The following SGMS2 variants were observed in gnomAD, a reference collection of about 807,000 sequenced individuals.
The protein encoded by SGMS2 is sphingomyelin synthase 2, also known as phosphatidylcholine:ceramide cholinephosphotransferase 2.
Under a neutral mutation model 43.8 loss-of-function variants are expected in SGMS2, and 21 were observed. That is an observed-to-expected ratio of 0.48 (90% CI 0.34 to 0.69). SGMS2 has a LOEUF of 0.69. Ranked by LOEUF, SGMS2 falls within the 30% of genes least tolerant of loss-of-function variation. SGMS2 has a pLI of 0.01. For missense variants in SGMS2, 384 were observed against 443.2 expected, an observed-to-expected ratio of 0.87 and a Z score of 1.20; for synonymous variants, 167 against 160.6, an observed-to-expected ratio of 1.04 and a Z score of -0.30.
chr4:107,910,707 C>A lies in SGMS2; in HGVS notation c.*154C>A. 1 of 663,378 alleles carries A rather than the reference C, an allele frequency of 1.5e-6. No homozygotes were observed. The highest frequency in any genetic ancestry group is 2.5e-6 in the Non-Finnish European group (1 of 396,706). The allele number at this position is 663,378 out of a possible 1,614,324, so 41.1% of individuals were successfully genotyped here. ...TTAGAAAGATGAACAAAGTATTGCCCTTTGACTGGTTTTCTTCTTCATCCT... is the reference window on the plus strand; with the variant it reads ...TTAGAAAGATGAACAAAGTATTGCCATTTGACTGGTTTTCTTCTTCATCCT... On this transcript the variant is annotated 3_prime_UTR_variant, in exon 7 of 7. Transcript: ENST00000690982.
chr4:107,832,782 C>G (rs1195170472), intron 1 of SGMS2, among the ~76,000 whole-genome samples: 1 of 152,176 alleles, frequency 6.6e-6, no homozygotes, highest in African/African-American at 2.4e-5. Context: ...AGTCCCAGCA[C>G]TTTGGGAGGC....
At chr4:107,877,559 TG>T (rs1274212865) in intron 2 of SGMS2, among the ~76,000 whole-genome samples, 1 of 152,212 alleles carries the variant, frequency 6.6e-6, no homozygotes, top group Non-Finnish European at 1.5e-5. Flanking sequence ...TGGCTGCTTT[TG>T]TTTGACCATT....
intron 2 of SGMS2, among the ~76,000 whole-genome samples, chr4:107,870,174 C>G (rs933344490): frequency 4.6e-5 from 7 of 152,102 alleles, no homozygotes; most frequent in Non-Finnish European, 7.4e-5. Flanking sequence ...TTGTATGTAG[C>G]TTTTTAGTGG....
Position 107,895,632 on chromosome 4 carries a change from C to A in SGMS2, c.79C>A (p.Pro27Thr), listed in dbSNP as rs762047509. Reference sequence around the variant, plus strand: ...TGATCCTACGAACACTTATGCAAGACCCGCTGAACCTGTTGAAGAAGAAAA... The same window carrying A: ...TGATCCTACGAACACTTATGCAAGAACCGCTGAACCTGTTGAAGAAGAAAA... ...PSDPTNTYARPAEPVEEENKN... is the reference protein window; with the variant it reads ...PSDPTNTYARTAEPVEEENKN... Residue 27 changes from proline to threonine, a missense_variant, in exon 3 of 7, where the codon CCC becomes ACC. Coordinates refer to ENST00000690982, the MANE Select transcript of SGMS2 (RefSeq NM_001375905.1). 1 of 1,613,980 alleles carries A rather than the reference C, an allele frequency of 6.2e-7. No homozygotes were observed. The highest frequency in any genetic ancestry group is 8.5e-7 in the Non-Finnish European group (1 of 1,179,944).
intron 2 of SGMS2, among the ~76,000 whole-genome samples, chr4:107,879,159 T>G (rs1578592755): frequency 6.6e-6 from 1 of 151,476 alleles, no homozygotes; most frequent in East Asian, 2.0e-4. Flanking sequence ...CCTTTTAATC[T>G]AGCTCTTAGT....
intron 2 of SGMS2, among the ~76,000 whole-genome samples, chr4:107,890,287 T>A (rs1174152723): frequency 1.3e-5 from 2 of 152,066 alleles, no homozygotes. Flanking sequence ...TATAAACTAG[T>A]TTAGGTCCCT....
intron 2 of SGMS2, among the ~76,000 whole-genome samples, chr4:107,859,523 C>G (rs1205897154): frequency 2.0e-5 from 3 of 152,092 alleles, no homozygotes; most frequent in Admixed American, 2.0e-4. Context: ...TATTTGACAC[C>G]ATTTTGATAT....
Position 107,910,263 on chromosome 4 carries a change from G to A in SGMS2, c.895-87G>A, listed in dbSNP as rs190005131. 1.2e-4 allele frequency: 132 copies of A among 1,135,550 alleles called. No individual in the cohort carries two copies. In the African/African-American group the frequency reaches 1.9e-3, roughly 17 times the overall value. The allele number at this position is 1,135,550 out of a possible 1,614,324, so 70.3% of individuals were successfully genotyped here. A position where few individuals can be genotyped will look rare whatever the true frequency, so the allele number is the denominator to read the frequency against. On this transcript the variant is annotated intron_variant, in intron 6 of 6. Transcript: ENST00000690982. ...TGATTCTGAATTCTGTTTTCCCTAG[G>A]TTACAGTGAATGACAATTTAAGAAA...
At chr4:107,904,960 T>C (rs1250904604) in intron 5 of SGMS2, among the ~76,000 whole-genome samples, 1 of 152,038 alleles carries the variant, frequency 6.6e-6, no homozygotes, top group East Asian at 1.9e-4. Flanking sequence ...CAGAAGAAGA[T>C]GGGGATGAGG....
In SGMS2 at chr4:107,895,737, A is replaced by G. The variant is rs774507694; in HGVS notation, c.184A>G (p.Ile62Val). The G allele has an allele frequency of 6.2e-7, 1 of 1,613,922 alleles. No individual in the cohort carries two copies. The highest frequency in any genetic ancestry group is 8.5e-7 in the Non-Finnish European group (1 of 1,179,948). The change falls in exon 3 of 7, where the codon ATT becomes GTT. Residue 62 changes from isoleucine to valine, a missense_variant. Coordinates refer to ENST00000690982, the MANE Select transcript of SGMS2 (RefSeq NM_001375905.1). ...GTKKYPDYIQ[I>V]AMPTESRNKF... ...CAAAAAGTACCCGGACTATATCCAA[A>G]TTGCTATGCCCACTGAATCAAGGAA... is the stretch of plus-strand genomic sequence containing the variant.
rs1578483911 is a variant in SGMS2 at position 107,825,197 on chromosome 4, C to T, written c.-383C>T. 6.5e-6 allele frequency: 1 copy of T among 152,764 alleles called. No individual in the cohort carries two copies. Among genetic ancestry groups the T allele is most frequent in the South Asian group, 2.1e-4 (1 of 4,840 alleles). The allele number at this position is 152,764 out of a possible 1,614,324, so 9.5% of individuals were successfully genotyped here. A position where few individuals can be genotyped will look rare whatever the true frequency, so the allele number is the denominator to read the frequency against. ...GCGGGCTCCATCCCCTGGCAAATCC[C>T]CTTCCCGGGAGCAAGTGCCTTCAGC... is the stretch of plus-strand genomic sequence containing the variant. On this transcript the variant is annotated 5_prime_UTR_variant, in exon 1 of 7. Transcript: ENST00000690982.
At chr4:107,904,457 GC>G (rs1299980700) in intron 5 of SGMS2, among the ~76,000 whole-genome samples, 2 of 152,114 alleles carry the variant, frequency 1.3e-5, no homozygotes, top group African/African-American at 4.8e-5. Context: ...GTGAATTATT[GC>G]CCCTTTGATT....
rs552343249 is a variant in SGMS2 at position 107,856,616 on chromosome 4, G to A, written c.-326-1856G>A. 9.2e-5 allele frequency among the ~76,000 whole-genome samples: 14 copies of A among 152,268 alleles called. No homozygotes were observed. In the East Asian group the frequency reaches 1.9e-3, roughly 21 times the overall value. On this transcript the variant is annotated intron_variant, in intron 1 of 6. Coordinates refer to ENST00000690982, the MANE Select transcript of SGMS2 (RefSeq NM_001375905.1). ...GTGGAGTCGAGAGAGGGTGATAACCGGAGAAGGGTTCCAAGTGAAACGAGA... is the reference window on the plus strand; with the variant it reads ...GTGGAGTCGAGAGAGGGTGATAACCAGAGAAGGGTTCCAAGTGAAACGAGA...
intron 1 of SGMS2, among the ~76,000 whole-genome samples, chr4:107,852,867 A>G (rs1244435890): frequency 6.6e-6 from 1 of 152,142 alleles, no homozygotes; most frequent in Admixed American, 6.5e-5. Flanking sequence ...CCTGGAAAGC[A>G]GTGTAATAAT....
At chr4:107,908,943 A>C (rs899678119) in intron 6 of SGMS2, among the ~76,000 whole-genome samples, 1 of 152,230 alleles carries the variant, frequency 6.6e-6, no homozygotes, top group Non-Finnish European at 1.5e-5. Flanking sequence ...TATGGAGCAC[A>C]GTGCATTGCT....
chr4:107,843,066 T>C (rs1395612986), intron 1 of SGMS2, among the ~76,000 whole-genome samples: 2 of 152,168 alleles, frequency 1.3e-5, no homozygotes, highest in Non-Finnish European at 2.9e-5. Flanking sequence ...CCATCATCAC[T>C]AAACAAAACA....
intron 1 of SGMS2, among the ~76,000 whole-genome samples, chr4:107,830,560 A>G (rs1015696250): frequency 6.6e-6 from 1 of 152,118 alleles, no homozygotes; most frequent in Non-Finnish European, 1.5e-5. Flanking sequence ...TGACTTTTTA[A>G]TAATAGCCAT....
intron 2 of SGMS2, among the ~76,000 whole-genome samples, chr4:107,879,108 A>AT (rs373759605): frequency 0.15 from 20,826 of 142,224 alleles, 1,872 homozygotes; most frequent in South Asian, 0.35. Flanking sequence ...CTACCTGGCC[A>AT]TTTTTTTTTT....
chr4:107,859,749 T>G (rs776434882), intron 2 of SGMS2, among the ~76,000 whole-genome samples: 1 of 152,138 alleles, frequency 6.6e-6, no homozygotes, highest in Non-Finnish European at 1.5e-5. Flanking sequence ...CACAGAGGAC[T>G]TGCCTCGCTC....
Sources: gnomAD v4.1 joint callset for allele counts (sites outside exome capture counted in the v4.1 genomes callset) on GRCh38, gnomAD v4.1.1 for gene constraint, MANE v1.5 for transcripts, NCBI Gene and HGNC (gene_info 2026-07-23, HGNC 2026-07-21) for gene names.